Variants in CRACD observed in about 807,000 individuals in gnomAD.
CRACD encodes the protein capping protein-inhibiting regulator of actin dynamics.
Under a neutral mutation model 106.8 loss-of-function variants are expected in CRACD, and 56 were observed. The observed-to-expected ratio is 0.52, with a 90% CI of 0.42 to 0.66. CRACD has a LOEUF of 0.66. Ranked by LOEUF, CRACD falls within the 30% of genes least tolerant of loss-of-function variation. CRACD has a pLI of 0.00. For missense variants in CRACD, 1,730 were observed against 1,623.2 expected, an observed-to-expected ratio of 1.07 and a Z score of -1.13; for synonymous variants, 754 against 670.8, an observed-to-expected ratio of 1.12 and a Z score of -1.92.
intron 1 of CRACD, among the ~76,000 whole-genome samples, chr4:56,054,610 CAT>C (rs1324950182): frequency 6.6e-6 from 1 of 152,170 alleles, no homozygotes; most frequent in Non-Finnish European, 1.5e-5. Context: ...GATTTTCACA[CAT>C]ATATGAGAAG....
intron 3 of CRACD, among the ~76,000 whole-genome samples, 180 bp downstream of exon 3, chr4:56,272,672 C>T (rs1742427665): frequency 6.6e-6 from 1 of 152,054 alleles, no homozygotes; most frequent in Non-Finnish European, 1.5e-5. Flanking sequence ...GGGCAGATCA[C>T]TTGAGGTCAG....
At chr4:56,129,078 T>C (rs1204000823) in intron 1 of CRACD, among the ~76,000 whole-genome samples, 1 of 152,144 alleles carries the variant, frequency 6.6e-6, no homozygotes, top group Non-Finnish European at 1.5e-5. Context: ...TATTATTTAA[T>C]TTTAAAAATG....
intron 1 of CRACD, among the ~76,000 whole-genome samples, chr4:56,061,653 G>A (rs983136454): frequency 1.3e-5 from 2 of 152,030 alleles, no homozygotes; most frequent in Non-Finnish European, 1.5e-5. Flanking sequence ...ATAAACAGTG[G>A]CAAATTGTGT....
intron 1 of CRACD, among the ~76,000 whole-genome samples, chr4:56,074,099 G>T (rs1732755390): frequency 6.6e-6 from 1 of 151,724 alleles, no homozygotes. Context: ...TTGTAGTATA[G>T]TTTGAAGTCA....
At chr4:56,184,671 A>G (rs990385645) in intron 2 of CRACD, among the ~76,000 whole-genome samples, 4 of 152,220 alleles carry the variant, frequency 2.6e-5, no homozygotes, top group Non-Finnish European at 4.4e-5. Flanking sequence ...ATCTGGGGTC[A>G]TTGGTTTGAA....
At position 56,212,823 on chromosome 4, in the gene CRACD, A is replaced by G. The variant is rs554977399; in HGVS notation, c.-189+33393A>G. Reference sequence around the variant, plus strand: ...CAGTTTCTGTCTGACCCAGTTAGATATCTAAGGCCTATAAATGGATCCAAG... The same window carrying G: ...CAGTTTCTGTCTGACCCAGTTAGATGTCTAAGGCCTATAAATGGATCCAAG... On this transcript the variant is annotated intron_variant, in intron 2 of 10. Coordinates refer to ENST00000682029, the MANE Select transcript of CRACD (RefSeq NM_001393381.1). Among the ~76,000 whole-genome samples the G allele has an allele frequency of 5.3e-5, 8 of 152,314 alleles. No homozygotes were observed. The East Asian group carries it at 1.5e-3, about 29-fold the overall frequency.
intron 1 of CRACD, among the ~76,000 whole-genome samples, chr4:56,084,656 T>C (rs1034415919): frequency 6.6e-6 from 1 of 152,222 alleles, no homozygotes; most frequent in African/African-American, 2.4e-5. Flanking sequence ...GAATGTGTTA[T>C]GATTTATAAA....
rs1746587013 is a variant in CRACD at position 56,328,185 on chromosome 4, G to T, written c.*381G>T. 4.9e-6 allele frequency: 2 copies of T among 407,952 alleles called. No individual in the cohort carries two copies. The highest frequency in any genetic ancestry group is 9.6e-6 in the Non-Finnish European group (2 of 208,014). 25.3% of individuals were successfully genotyped at this position (407,952 alleles called of 1,614,324 possible). On this transcript the variant is annotated 3_prime_UTR_variant, in exon 11 of 11. Transcript: ENST00000682029. ...TTTGGTAATGGTTTTTTGATTCTAT[G>T]CACTAATTTTCTTTGTCCAAAACAT... is the stretch of plus-strand genomic sequence containing the variant.
At chr4:56,135,482 A>G (rs1336660488) in intron 1 of CRACD, among the ~76,000 whole-genome samples, 2 of 152,170 alleles carry the variant, frequency 1.3e-5, no homozygotes, top group African/African-American at 4.8e-5. Context: ...GAAATGTCAA[A>G]TGTCCATTTT....
At chr4:56,163,213 A>G (rs1186194015) in intron 1 of CRACD, among the ~76,000 whole-genome samples, 1 of 152,182 alleles carries the variant, frequency 6.6e-6, no homozygotes, top group Non-Finnish European at 1.5e-5. Flanking sequence ...AGAGAAAAAG[A>G]TAGAGTAAGA....
chr4:56,324,409 T>C (rs1235552672), intron 10 of CRACD, 143 bp downstream of exon 10: 2 of 725,928 alleles, frequency 2.8e-6, no homozygotes, highest in Non-Finnish European at 2.2e-6. Context: ...TTCATAAACG[T>C]TGACACTGAT....
intron 1 of CRACD, among the ~76,000 whole-genome samples, chr4:56,092,150 G>A (rs188119698): frequency 1.3e-5 from 2 of 152,306 alleles, no homozygotes; most frequent in Non-Finnish European, 2.9e-5. Context: ...CTGTGGAGGA[G>A]GGTGACAGGT....
intron 10 of CRACD, 51 bp downstream of exon 10, chr4:56,324,317 T>C: frequency 1.3e-6 from 2 of 1,555,584 alleles, no homozygotes; most frequent in Middle Eastern, 1.7e-4. Flanking sequence ...TTTCTCTTTG[T>C]AGAGCGTGCT....
At chr4:56,180,550 A>G (rs1736778683) in intron 2 of CRACD, among the ~76,000 whole-genome samples, 1 of 152,012 alleles carries the variant, frequency 6.6e-6, no homozygotes, top group African/African-American at 2.4e-5. Context: ...ATAGCATCAT[A>G]TCATTATTTT....
intron 1 of CRACD, among the ~76,000 whole-genome samples, chr4:56,168,737 T>A (rs1372070044): frequency 6.6e-6 from 1 of 150,836 alleles, no homozygotes; most frequent in Non-Finnish European, 1.5e-5. Context: ...TATAGTTGTA[T>A]ATGCAAAGGA....
At chr4:56,236,693 A>G (rs1560496198) in intron 2 of CRACD, among the ~76,000 whole-genome samples, 1 of 152,140 alleles carries the variant, frequency 6.6e-6, no homozygotes, top group Non-Finnish European at 1.5e-5. Context: ...GGGCAGCAAA[A>G]GAAAGATTAA....
chr4:56,219,905 C>A (rs115239775), intron 2 of CRACD, among the ~76,000 whole-genome samples: 149 of 152,208 alleles, frequency 9.8e-4, no homozygotes, highest in Middle Eastern at 3.4e-3. Flanking sequence ...TTAATATAAT[C>A]TATGAAAACA....
chr4:56,329,414 A>C lies in CRACD; in HGVS notation c.*1610A>C, dbSNP rs1746665749. ...GTGCTGTTATTCTACCATGTACCTT[A>C]AATAAAGGATGATGGCAAAGTTATT... is the stretch of plus-strand genomic sequence containing the variant. On this transcript the variant is annotated 3_prime_UTR_variant, in exon 11 of 11. Transcript: ENST00000682029. Among the ~76,000 whole-genome samples the C allele has an allele frequency of 6.6e-6, 1 of 152,206 alleles. No individual in the cohort carries two copies. Among genetic ancestry groups the C allele is most frequent in the African/African-American group, 2.4e-5 (1 of 41,446 alleles).
At chr4:56,222,944 C>T (rs996534148) in intron 2 of CRACD, among the ~76,000 whole-genome samples, 2 of 151,766 alleles carry the variant, frequency 1.3e-5, no homozygotes, top group Non-Finnish European at 2.9e-5. Context: ...CATTGCACTC[C>T]AGCCTGGGTG....
Sources: gnomAD v4.1 joint callset for allele counts (sites outside exome capture counted in the v4.1 genomes callset) on GRCh38, gnomAD v4.1.1 for gene constraint, MANE v1.5 for transcripts, NCBI Gene and HGNC (gene_info 2026-07-23, HGNC 2026-07-21) for gene names.